HDAC6: variants seen among roughly 807,000 people sequenced by gnomAD.
HDAC6 encodes the protein protein deacetylase HDAC6.
A neutral mutation model predicts 88.9 loss-of-function variants in HDAC6; 5 were observed. That is an observed-to-expected ratio of 0.06 (90% CI 0.03 to 0.12). The LOEUF is 0.12. Ranked by LOEUF, HDAC6 falls within the 10% of genes least tolerant of loss-of-function variation. The pLI is 1.00. For missense variants in HDAC6, 706 were observed against 1,014.4 expected (o/e 0.70, Z 4.13); for synonymous variants, 378 against 398.0 (o/e 0.95, Z 0.60).
chrX:48,805,583 GC>G, intron 5 of HDAC6, 47 bp from the exon 6 acceptor site: 1 of 1,182,605 alleles, frequency 8.5e-7, no homozygotes, highest in African/African-American at 1.7e-5. Context: ...CCTGGGTGCA[GC>G]CCATGCCTTA....
chrX:48,802,430 G>A, intron 1 of HDAC6: 3 of 980,086 alleles, frequency 3.1e-6, no homozygotes, highest in Non-Finnish European at 2.6e-6. Flanking sequence ...ACCAGGGAAA[G>A]AGAATCGTGT....
At chrX:48,812,609 T>C (rs1175906574) in intron 10 of HDAC6, among the ~76,000 whole-genome samples, 1 of 112,042 alleles carries the variant, frequency 8.9e-6, no homozygotes, top group African/African-American at 3.2e-5. Context: ...TAGAAATTCA[T>C]TGAAGTCTCT....
At chrX:48,815,835 CG>C (rs2062975969) in intron 16 of HDAC6, 48 bp from the exon 17 acceptor site, 2 of 1,171,625 alleles carry the variant, frequency 1.7e-6, no homozygotes, top group Non-Finnish European at 2.3e-6. Flanking sequence ...CAGAGTATGA[CG>C]GGGATTCAGA....
At chrX:48,821,451 AAAGTGTTGGGATTACAG>A (rs2147385354) in intron 23 of HDAC6, among the ~76,000 whole-genome samples, 1 of 101,398 alleles carries the variant, frequency 9.9e-6, no homozygotes, top group South Asian at 4.6e-4. Context: ...TCAGCCTCCC[AAAGTGTTGGGATTACAG>A]GCATGAGCTA....
intron 23 of HDAC6, among the ~76,000 whole-genome samples, chrX:48,822,293 G>A (rs1557030189): frequency 1.8e-5 from 2 of 112,099 alleles, no homozygotes; most frequent in Non-Finnish European, 3.8e-5. Flanking sequence ...GAGCGCCTGT[G>A]GTTGTGAGGA....
In HDAC6 at chrX:48,822,692, C is replaced by T. The variant is rs1288711607; in HGVS notation, c.2410C>T (p.Pro804Ser). The T allele has an allele frequency of 8.3e-7, 1 of 1,207,409 alleles. No individual in the cohort carries two copies. The highest frequency in any genetic ancestry group is 1.8e-5 in the African/African-American group (1 of 57,091). The change falls in exon 24 of 29, where the codon CCC becomes TCC. Residue 804 changes from proline to serine, a missense_variant. Coordinates refer to ENST00000334136, the MANE Select transcript of HDAC6 (RefSeq NM_006044.4). ...TCGCTCCCTCCTTGGAGACCCACCA[C>T]CCCTGCTGACCCTGCCACGGCCCCC... ...CTRSLLGDPP[P>S]LLTLPRPPLS...
upstream of HDAC6, chrX:48,801,856 G>C: frequency 2.1e-6 from 2 of 972,233 alleles, no homozygotes; most frequent in African/African-American, 3.9e-5. Context: ...AAAAGCCTGA[G>C]CGCTCGCGTC....
In HDAC6 at chrX:48,820,201, C is replaced by A. The variant is rs1432355960; in HGVS notation, c.2283C>A (p.His761Gln). ...AGGTGTCACCTGAGGGTTATGCCCACCTCACCCACCTGCTGATGGGCCTTG... is the reference window on the plus strand; with the variant it reads ...AGGTGTCACCTGAGGGTTATGCCCAACTCACCCACCTGCTGATGGGCCTTG... ...GCQVSPEGYA[H>Q]LTHLLMGLAS... Residue 761 changes from histidine to glutamine, a missense_variant, in exon 23 of 29, where the codon CAC (histidine) becomes CAA (glutamine). Physicochemically the swap from His to Gln is conservative, Grantham distance 24 (BLOSUM62 0). This residue lies in a region of HDAC6 where 138 missense variants were observed against 303.5 expected (regional missense o/e 0.45). Transcript: ENST00000334136. 1 of 1,208,320 alleles carries A rather than the reference C, an allele frequency of 8.3e-7. No homozygotes were observed. The highest frequency in any genetic ancestry group is 3.0e-5 in the East Asian group (1 of 33,817).
At position 48,817,776 on chromosome X, in the gene HDAC6, C is replaced by T. The variant is rs1387538552; in HGVS notation, c.1926-265C>T. The T allele has an allele frequency of 1.4e-5, 6 of 421,493 alleles. No individual in the cohort carries two copies. The East Asian group carries it at 1.5e-4, about 11-fold the overall frequency. The allele number at this position is 421,493 out of a possible 1,213,427, so 34.7% of individuals were successfully genotyped here. ...CCTGATGCATACTCCAGAAGACCCA[C>T]GAACCAGCCCCCAGCATTAGCTGCC... is the stretch of plus-strand genomic sequence containing the variant. On this transcript the variant is annotated intron_variant, in intron 20 of 28. Coordinates refer to ENST00000334136, the MANE Select transcript of HDAC6 (RefSeq NM_006044.4).
intron 4 of HDAC6, 93 bp downstream of exon 4, chrX:48,803,309 G>T: frequency 1.5e-6 from 1 of 682,557 alleles, no homozygotes. Context: ...ACCCCAGCCT[G>T]GATACTGGAA....
chrX:48,819,958 A>G (rs782517179), intron 22 of HDAC6, 148 bp from the exon 23 acceptor site: 3 of 558,676 alleles, frequency 5.4e-6, no homozygotes, highest in African/African-American at 4.6e-5. Context: ...TGTGTCTCCT[A>G]GTCTCCAGGT....
chrX:48,819,648 A>C (rs1307176939), intron 22 of HDAC6: 1 of 226,415 alleles, frequency 4.4e-6, no homozygotes, highest in Non-Finnish European at 8.0e-6. Context: ...GGTTCATGCC[A>C]TTCTCCTGCC....
intron 4 of HDAC6, among the ~76,000 whole-genome samples, chrX:48,803,897 C>T (rs1172696681): frequency 8.9e-6 from 1 of 112,407 alleles, no homozygotes; most frequent in Non-Finnish European, 1.9e-5. Context: ...CATGGTGGCT[C>T]ACGCCTATAA....
chrX:48,808,384 C>A, intron 10 of HDAC6, 58 bp downstream of exon 10: 1 of 898,279 alleles, frequency 1.1e-6, no homozygotes, highest in South Asian at 2.2e-5. Context: ...CCCTTACAGG[C>A]CCAGCCAGAA....
At chrX:48,821,995 T>C (rs2063091925) in intron 23 of HDAC6, among the ~76,000 whole-genome samples, 1 of 112,171 alleles carries the variant, frequency 8.9e-6, no homozygotes, top group Non-Finnish European at 1.9e-5. Flanking sequence ...TCAGCTGTTA[T>C]GACCTCGGAC....
intron 8 of HDAC6, among the ~76,000 whole-genome samples, chrX:48,807,658 G>A (rs781984036): frequency 1.8e-5 from 2 of 111,642 alleles, no homozygotes; most frequent in Admixed American, 9.5e-5. Flanking sequence ...GACTACAGTC[G>A]CCCGCCACCA....
intron 6 of HDAC6, 143 bp downstream of exon 6, chrX:48,805,814 G>A (rs1467108472): frequency 3.6e-5 from 18 of 494,410 alleles, no homozygotes; most frequent in African/African-American, 3.6e-4. Context: ...CTGTGTCATC[G>A]CCTGTAACAA....
intron 8 of HDAC6, among the ~76,000 whole-genome samples, chrX:48,807,190 G>A (rs1206724561): frequency 4.5e-5 from 5 of 111,741 alleles, no homozygotes; most frequent in Admixed American, 2.8e-4. Context: ...TACTCCCTTC[G>A]TACCATCTTT....
Position 48,814,594 on chromosome X carries a change from A to G in HDAC6, c.933+28A>G, listed in dbSNP as rs782794339. On this transcript the variant is annotated intron_variant, in intron 11 of 28. Transcript: ENST00000334136. The stretch of plus-strand genomic sequence containing the variant: ...CAGCATCTACCCACCTCTGCCCCCA[A>G]AGTGAGGCCCAGCCCCGCCCTTCTG... 5 of 1,207,711 alleles carry G rather than the reference A, an allele frequency of 4.1e-6. No individual in the cohort carries two copies. In the East Asian group the frequency reaches 1.5e-4, roughly 36 times the overall value.
Sources: gnomAD v4.1 joint callset for allele counts (sites outside exome capture counted in the v4.1 genomes callset) on GRCh38, gnomAD v4.1.1 for gene constraint, gnomAD v4.1.1 regional missense constraint, MANE v1.5 for transcripts, NCBI Gene and HGNC (gene_info 2026-07-23, HGNC 2026-07-21) for gene names.